GPR158: variants seen among roughly 807,000 people sequenced by gnomAD.
GPR158 encodes G protein-coupled receptor 158, also known as metabotropic glycine receptor.
Under a neutral mutation model 78.2 loss-of-function variants are expected in GPR158, and 30 were observed. That is an observed-to-expected ratio of 0.38 (90% CI 0.29 to 0.52). The LOEUF (loss-of-function observed/expected upper bound fraction) is 0.52, where lower values mean the gene tolerates loss of function less well. Among genes scored for constraint, GPR158 ranks in the 20% least tolerant of loss-of-function variants. The pLI, the probability that GPR158 is intolerant of heterozygous loss-of-function variation, is 0.83. For missense variants in GPR158, 1,463 were observed against 1,523.5 expected, an observed-to-expected ratio of 0.96 and a Z score of 0.66; for synonymous variants, 581 against 591.1, an observed-to-expected ratio of 0.98 and a Z score of 0.25.
At chr10:25,450,151 A>G (rs1276138759) in intron 4 of GPR158, among the ~76,000 whole-genome samples, 1 of 152,120 alleles carries the variant, frequency 6.6e-6, no homozygotes, top group East Asian at 1.9e-4. Flanking sequence ...GAAGTTAGCC[A>G]GGCCAGAGAG....
intron 1 of GPR158, among the ~76,000 whole-genome samples, chr10:25,213,015 T>C (rs1853156726): frequency 6.6e-6 from 1 of 152,194 alleles, no homozygotes; most frequent in South Asian, 2.1e-4. Flanking sequence ...GCCAGTGCTT[T>C]TTGTTCTTTG....
chr10:25,238,065 CCTT>C (rs1853551002), intron 2 of GPR158, among the ~76,000 whole-genome samples: 1 of 151,684 alleles, frequency 6.6e-6, no homozygotes, highest in Non-Finnish European at 1.5e-5. Flanking sequence ...TCTTTTCTCT[CCTT>C]CTTCTTCCTT....
chr10:25,498,660 T>G (rs1177016483), intron 5 of GPR158, among the ~76,000 whole-genome samples: 2 of 152,182 alleles, frequency 1.3e-5, no homozygotes, highest in Non-Finnish European at 2.9e-5. Context: ...TTTCTGTGTC[T>G]AGATTTTGGG....
intron 2 of GPR158, among the ~76,000 whole-genome samples, chr10:25,316,803 G>C (rs1854857379): frequency 6.6e-6 from 1 of 151,828 alleles, no homozygotes; most frequent in Admixed American, 6.6e-5. Context: ...GTATGTCTCA[G>C]CACACAGTTT....
intron 5 of GPR158, among the ~76,000 whole-genome samples, chr10:25,481,986 G>C (rs535437293): frequency 1.7e-4 from 26 of 152,274 alleles, no homozygotes; most frequent in Non-Finnish European, 3.1e-4. Flanking sequence ...TGGAGCCTCA[G>C]ATTTTCAGGC....
chr10:25,498,517 C>A (rs1835913641), intron 5 of GPR158, among the ~76,000 whole-genome samples: 1 of 152,150 alleles, frequency 6.6e-6, no homozygotes, highest in African/African-American at 2.4e-5. Context: ...ATTCTCAAGG[C>A]TCTCCAGATG....
At chr10:25,469,195 T>G (rs1378699233) in intron 5 of GPR158, among the ~76,000 whole-genome samples, 1 of 152,226 alleles carries the variant, frequency 6.6e-6, no homozygotes, top group Non-Finnish European at 1.5e-5. Context: ...CTTGGTGATC[T>G]CATCTAGCCT....
chr10:25,436,435 A>G (rs889331796), intron 4 of GPR158, among the ~76,000 whole-genome samples: 1 of 152,222 alleles, frequency 6.6e-6, no homozygotes, highest in African/African-American at 2.4e-5. Flanking sequence ...GCAAGAATGA[A>G]TGAGACCATC....
intron 2 of GPR158, among the ~76,000 whole-genome samples, chr10:25,310,922 C>A (rs1427734054): frequency 3.3e-5 from 5 of 152,032 alleles, no homozygotes; most frequent in African/African-American, 1.2e-4. Flanking sequence ...TATCTTTCCT[C>A]AAATATCTAT....
At position 25,597,831 on chromosome 10, in the gene GPR158, AAAC is replaced by A. The variant is rs748742738; in HGVS notation, c.2209_2211del (p.Asn737del). The A allele has an allele frequency of 6.5e-7, 1 of 1,531,448 alleles. No individual in the cohort carries two copies. Among genetic ancestry groups the A allele is most frequent in the Non-Finnish European group, 8.8e-7 (1 of 1,142,650 alleles). 94.9% of individuals were successfully genotyped at this position (1,531,448 alleles called of 1,614,324 possible). On this transcript the variant is annotated inframe_deletion, in exon 11 of 11. Transcript: ENST00000376351. Reference sequence around the variant, plus strand: ...TATATAAAAGAAAGAAGATGATCACAAACAACCCCCACCTCCAGAAAAAGCGGT... The same window carrying A: ...TATATAAAAGAAAGAAGATGATCACAAACCCCCACCTCCAGAAAAAGCGGT...
At chr10:25,337,405 C>A (rs1855224376) in intron 2 of GPR158, among the ~76,000 whole-genome samples, 1 of 152,090 alleles carries the variant, frequency 6.6e-6, no homozygotes, top group African/African-American at 2.4e-5. Context: ...GATCATGTAA[C>A]ATGCACCCTT....
rs1837503633 is a variant in GPR158 at position 25,601,857 on chromosome 10, TAATAG to T, written c.*2587_*2591del. The T allele has an allele frequency of 6.6e-6, 1 of 152,662 alleles. No homozygotes were observed. Among genetic ancestry groups the T allele is most frequent in the Non-Finnish European group, 1.5e-5 (1 of 68,040 alleles). 9.5% of individuals were successfully genotyped at this position (152,662 alleles called of 1,614,324 possible). On this transcript the variant is annotated 3_prime_UTR_variant, in exon 11 of 11. Coordinates refer to ENST00000376351, the MANE Select transcript of GPR158 (RefSeq NM_020752.3). ...TAAATAAGTAGATTTATACCAATCT[TAATAG>T]AATTGTATATTTTATGCAAGAATTA...
In GPR158 at chr10:25,380,368, G is replaced by A. The variant is rs372680783; in HGVS notation, c.1009-15543G>A. 1.8e-4 allele frequency among the ~76,000 whole-genome samples: 28 copies of A among 152,078 alleles called. No homozygotes were observed. In the South Asian group the frequency reaches 2.3e-3, roughly 12 times the overall value. On this transcript the variant is annotated intron_variant, in intron 2 of 10. Coordinates refer to ENST00000376351, the MANE Select transcript of GPR158 (RefSeq NM_020752.3). ...TTTATAAAGTTCTACATGTTTCTGC[G>A]TTTTATAAAACTGAAATCATATTAT...
At chr10:25,447,930 A>G (rs897773241) in intron 4 of GPR158, among the ~76,000 whole-genome samples, 2 of 152,160 alleles carry the variant, frequency 1.3e-5, no homozygotes, top group African/African-American at 2.4e-5. Context: ...GAAGTTTCCT[A>G]TATGCCCCTT....
rs945180945 is a variant in GPR158 at position 25,176,579 on chromosome 10, G to T, written c.902+257G>T. On this transcript the variant is annotated intron_variant, in intron 1 of 10. Coordinates refer to ENST00000376351, the MANE Select transcript of GPR158 (RefSeq NM_020752.3). The surrounding 1 kb of genome is among the most constrained non-coding windows in gnomAD (Gnocchi z 6.3). ...ACCAGTTTCCCCGCACTGGGCGAGG[G>T]ACAGGCAGCCCTTGGCAGGACGGAG... Among the ~76,000 whole-genome samples the T allele has an allele frequency of 1.3e-5, 2 of 152,228 alleles. No individual in the cohort carries two copies. The highest frequency in any genetic ancestry group is 2.9e-5 in the Non-Finnish European group (2 of 68,044).
At chr10:25,544,290 A>G (rs1356271014) in intron 5 of GPR158, among the ~76,000 whole-genome samples, 1 of 150,194 alleles carries the variant, frequency 6.7e-6, no homozygotes, top group Non-Finnish European at 1.5e-5. Flanking sequence ...ATAGTGTTTT[A>G]TTTTTTTTTT....
chr10:25,439,717 A>G (rs1011806784), intron 4 of GPR158, among the ~76,000 whole-genome samples: 5 of 152,170 alleles, frequency 3.3e-5, no homozygotes, highest in Admixed American at 3.3e-4. Flanking sequence ...CACTCCTTGG[A>G]TATTTTTAGT....
Position 25,412,493 on chromosome 10 carries a change from T to A in GPR158, c.1335+20T>A. 1.9e-6 allele frequency: 3 copies of A among 1,549,874 alleles called. No homozygotes were observed. Among genetic ancestry groups the A allele is most frequent in the Non-Finnish European group, 2.7e-6 (3 of 1,121,908 alleles). ...GCAAAGGTAAACCCAGGAACCCTGG[T>A]TATGATCCTGTATTACAGAGCAACC... On this transcript the variant is annotated intron_variant, in intron 4 of 10. Coordinates refer to ENST00000376351, the MANE Select transcript of GPR158 (RefSeq NM_020752.3).
chr10:25,496,373 A>G (rs1272195861), intron 5 of GPR158, among the ~76,000 whole-genome samples: 2 of 152,170 alleles, frequency 1.3e-5, no homozygotes, highest in Admixed American at 6.5e-5. Flanking sequence ...AGATATGACC[A>G]TGGCTCACCT....
Sources: gnomAD v4.1 joint callset for allele counts (sites outside exome capture counted in the v4.1 genomes callset) on GRCh38, gnomAD v4.1.1 for gene constraint, Gnocchi (gnomAD v3.1) non-coding constraint, MANE v1.5 for transcripts, NCBI Gene and HGNC (gene_info 2026-07-23, HGNC 2026-07-21) for gene names.